COL4A1: variants seen among roughly 807,000 people sequenced by gnomAD.
COL4A1 encodes the protein collagen type IV alpha 1 chain.
COL4A1 carries 40 observed loss-of-function variants against 216.6 expected under a neutral mutation model. The observed-to-expected ratio is 0.18, with a 90% CI of 0.14 to 0.24. The LOEUF is 0.24. Among genes scored for constraint, COL4A1 ranks in the 10% least tolerant of loss-of-function variants. The pLI is 1.00. For missense variants in COL4A1, 1,628 were observed against 2,196.8 expected (o/e 0.74, Z 5.18); for synonymous variants, 839 against 810.7 (o/e 1.03, Z -0.59).
At chr13:110,277,850 A>C (rs1883485786) in intron 1 of COL4A1, among the ~76,000 whole-genome samples, 1 of 152,088 alleles carries the variant, frequency 6.6e-6, no homozygotes, top group Admixed American at 6.5e-5. Context: ...AAGCAATTTC[A>C]TTTTCTTCAG....
chr13:110,159,089 C>A (rs1162726920), intron 49 of COL4A1, among the ~76,000 whole-genome samples: 1 of 152,160 alleles, frequency 6.6e-6, no homozygotes, highest in Non-Finnish European at 1.5e-5. Context: ...AGAGGACAGT[C>A]ATGTTATTTT....
At chr13:110,256,430 T>G (rs562992) in intron 1 of COL4A1, among the ~76,000 whole-genome samples, 21,063 of 152,218 alleles carry the variant, frequency 0.14, 1,736 homozygotes, top group South Asian at 0.25. Flanking sequence ...GGTGCTGCCC[T>G]GTCAGGAACC....
At chr13:110,306,633 G>A (rs975611818) in intron 1 of COL4A1, among the ~76,000 whole-genome samples, 1 of 152,162 alleles carries the variant, frequency 6.6e-6, no homozygotes, top group Non-Finnish European at 1.5e-5. Context: ...GCATACCCGC[G>A]ACGCGGGTTC....
Position 110,268,192 on chromosome 13 carries a change from C to T in COL4A1, c.85-25458G>A, listed in dbSNP as rs9559757. Among the ~76,000 whole-genome samples the T allele has an allele frequency of 0.032, 4,930 of 152,250 alleles. 224 individuals are homozygous for T. Among genetic ancestry groups the T allele is most frequent in the East Asian group, 0.23 (1,200 of 5,168 alleles). On this transcript the variant is annotated intron_variant, in intron 1 of 51. Coordinates refer to ENST00000375820, the MANE Select transcript of COL4A1 (RefSeq NM_001845.6). This position sits in a 1 kb window ranked among gnomAD's most constrained non-coding sequence, Gnocchi z 4.1. ...GACAAGGGGCCAGGTTCAGCAGGGC[C>T]GATGCCAACTGTGTCCTGCCTCAGA... is the stretch of plus-strand genomic sequence containing the variant.
At chr13:110,209,922 A>T in intron 10 of COL4A1, 58 bp downstream of exon 10, 2 of 1,547,934 alleles carry the variant, frequency 1.3e-6, no homozygotes, top group Non-Finnish European at 1.8e-6. Flanking sequence ...TTATTTTCAA[A>T]CCTCAATATA....
chr13:110,204,318 G>A (rs9521648), intron 17 of COL4A1, among the ~76,000 whole-genome samples: 87,259 of 152,006 alleles, frequency 0.57, 26,032 homozygotes, highest in East Asian at 0.76. Context: ...TTTCTTATAT[G>A]AATACCAGAA....
At chr13:110,152,528 T>TAGAACA (rs1385551597) in intron 50 of COL4A1, 22 bp from the exon 51 acceptor site, 1 of 1,600,632 alleles carries the variant, frequency 6.2e-7, no homozygotes. Flanking sequence ...ATGCGAGCCG[T>TAGAACA]GAGTCAGAGG....
chr13:110,255,318 C>G (rs1882459278), intron 1 of COL4A1, among the ~76,000 whole-genome samples: 1 of 151,558 alleles, frequency 6.6e-6, no homozygotes, highest in Admixed American at 6.6e-5. Context: ...AGACTTGTGT[C>G]AAGTGTATTA....
chr13:110,226,731 C>A (rs752842775), intron 2 of COL4A1, among the ~76,000 whole-genome samples: 1 of 152,226 alleles, frequency 6.6e-6, no homozygotes, highest in Non-Finnish European at 1.5e-5. Flanking sequence ...GAATTTTAAT[C>A]TCTTTTAAGT....
In COL4A1 at chr13:110,238,588, T is replaced by C. The variant is rs142155734; in HGVS notation, c.144+4087A>G. Among the ~76,000 whole-genome samples the C allele has an allele frequency of 8.9e-3, 1,350 of 152,322 alleles. 19 individuals are homozygous for C. Among genetic ancestry groups the C allele is most frequent in the African/African-American group, 0.031 (1,274 of 41,562 alleles). On this transcript the variant is annotated intron_variant, in intron 2 of 51. Coordinates refer to ENST00000375820, the MANE Select transcript of COL4A1 (RefSeq NM_001845.6). Reference sequence around the variant, plus strand: ...CTTCCTTCTCAGAAAGACTTTTGTATTTGTTTTCCCAACAGATTCTCCTGG... The same window carrying C: ...CTTCCTTCTCAGAAAGACTTTTGTACTTGTTTTCCCAACAGATTCTCCTGG...
chr13:110,218,997 C>CCATCAGAAGAGA (rs773548231), intron 2 of COL4A1, among the ~76,000 whole-genome samples: 1 of 152,198 alleles, frequency 6.6e-6, no homozygotes, highest in Admixed American at 6.5e-5. Context: ...AGCCCAACCA[C>CCATCAGAAGAGA]CATCAGAAGA....
intron 18 of COL4A1, among the ~76,000 whole-genome samples, chr13:110,201,946 C>T (rs569565026): frequency 1.1e-4 from 16 of 152,338 alleles, no homozygotes; most frequent in African/African-American, 3.6e-4. Context: ...GGCACCACTG[C>T]ACTCCGGCCT....
intron 1 of COL4A1, among the ~76,000 whole-genome samples, chr13:110,254,989 G>C (rs189217166): frequency 2.0e-5 from 3 of 152,342 alleles, no homozygotes; most frequent in Admixed American, 1.3e-4. Flanking sequence ...CAAGGAGCTT[G>C]CTGGTTAAGA....
intron 18 of COL4A1, among the ~76,000 whole-genome samples, chr13:110,202,642 T>C (rs1357637752): frequency 6.6e-6 from 1 of 152,174 alleles, no homozygotes; most frequent in Admixed American, 6.5e-5. Flanking sequence ...GGTAACATTT[T>C]CATTATTTCA....
chr13:110,188,210 T>C (rs1878484913), intron 24 of COL4A1, among the ~76,000 whole-genome samples: 2 of 152,272 alleles, frequency 1.3e-5, no homozygotes, highest in South Asian at 4.1e-4. Flanking sequence ...AGACTCCCTG[T>C]CGACTTGGCA....
intron 1 of COL4A1, among the ~76,000 whole-genome samples, chr13:110,262,539 T>A (rs889280274): frequency 3.3e-5 from 5 of 152,202 alleles, no homozygotes; most frequent in Non-Finnish European, 7.3e-5. Flanking sequence ...CCCTCTTAAT[T>A]CTACTTTTTA....
Position 110,207,555 on chromosome 13 carries a change from G to T in COL4A1, c.694-66C>A. 7.5e-7 allele frequency: 1 copy of T among 1,325,976 alleles called. No individual in the cohort carries two copies. The highest frequency in any genetic ancestry group is 1.1e-6 in the Non-Finnish European group (1 of 919,254). 82.1% of individuals were successfully genotyped at this position (1,325,976 alleles called of 1,614,324 possible). A position where few individuals can be genotyped will look rare whatever the true frequency, so the allele number is the denominator to read the frequency against. ...AATTATGCAGACATGAAAAATTGCAGAGAGAGGTAAAAGCCTAAAATAAAA... is the reference window on the plus strand; with the variant it reads ...AATTATGCAGACATGAAAAATTGCATAGAGAGGTAAAAGCCTAAAATAAAA... On this transcript the variant is annotated intron_variant, in intron 12 of 51. Coordinates refer to ENST00000375820, the MANE Select transcript of COL4A1 (RefSeq NM_001845.6). The surrounding 1 kb of genome is among the most constrained non-coding windows in gnomAD (Gnocchi z 4.4).
chr13:110,167,085 C>T, intron 44 of COL4A1, 73 bp downstream of exon 44: 1 of 1,243,972 alleles, frequency 8.0e-7, no homozygotes, highest in Non-Finnish European at 1.2e-6. Flanking sequence ...TGCTAAGGTG[C>T]CCGAGGTTAG....
intron 26 of COL4A1, among the ~76,000 whole-genome samples, chr13:110,185,706 G>A (rs889565141): frequency 6.6e-5 from 10 of 152,246 alleles, no homozygotes; most frequent in Middle Eastern, 3.4e-3. Flanking sequence ...AAGGCCTAGC[G>A]CCACAGCCCC....
Sources: allele counts gnomAD v4.1 joint callset (sites outside exome capture counted in the v4.1 genomes callset), GRCh38; gene constraint gnomAD v4.1.1; non-coding constraint Gnocchi (gnomAD v3.1); transcripts MANE v1.5; gene names NCBI Gene and HGNC (gene_info 2026-07-23, HGNC 2026-07-21).